The following ZNF704 variants were observed in gnomAD, a reference collection of about 807,000 sequenced individuals.
ZNF704 encodes glucocorticoid induced gene 1.
A neutral mutation model predicts 44.7 loss-of-function variants in ZNF704; 10 were observed. That is an observed-to-expected ratio of 0.22 (90% CI 0.14 to 0.38). ZNF704 has a LOEUF of 0.38. Among genes scored for constraint, ZNF704 ranks in the 10% least tolerant of loss-of-function variants. ZNF704 has a pLI of 1.00. For synonymous variants in ZNF704, 211 were observed against 207.6 expected, an observed-to-expected ratio of 1.02 and a Z score of -0.14; for missense variants, 390 against 545.5, an observed-to-expected ratio of 0.71 and a Z score of 2.84.
intron 1 of ZNF704, among the ~76,000 whole-genome samples, chr8:80,846,488 C>A (rs754837800): frequency 2.0e-5 from 3 of 151,964 alleles, no homozygotes; most frequent in Admixed American, 6.6e-5. Context: ...ACCAGGAGAT[C>A]TTTGAGGTTT....
chr8:80,837,188 TAGTA>T (rs1808597793), intron 1 of ZNF704, among the ~76,000 whole-genome samples: 1 of 152,088 alleles, frequency 6.6e-6, no homozygotes, highest in Non-Finnish European at 1.5e-5. Flanking sequence ...GAGAAGGAAA[TAGTA>T]AACTGGGGGA....
At chr8:80,653,423 T>A (rs541041093) in intron 7 of ZNF704, among the ~76,000 whole-genome samples, 1 of 152,300 alleles carries the variant, frequency 6.6e-6, no homozygotes, top group South Asian at 2.1e-4. Context: ...GAAAACCCCA[T>A]AGTCTCAGCC....
At chr8:80,813,468 A>G (rs1447695306) in intron 2 of ZNF704, among the ~76,000 whole-genome samples, 1 of 152,212 alleles carries the variant, frequency 6.6e-6, no homozygotes, top group Admixed American at 6.5e-5. Context: ...GTCATTTTTA[A>G]CATCAACCAA....
At chr8:80,669,717 T>C (rs977320548) in intron 5 of ZNF704, among the ~76,000 whole-genome samples, 4 of 152,144 alleles carry the variant, frequency 2.6e-5, no homozygotes, top group Non-Finnish European at 4.4e-5. Flanking sequence ...GCATTTGTGT[T>C]TGCCTTATGA....
chr8:80,770,516 C>T (rs1807302535), intron 2 of ZNF704, among the ~76,000 whole-genome samples: 1 of 152,142 alleles, frequency 6.6e-6, no homozygotes, highest in African/African-American at 2.4e-5. Context: ...CCTTGGTGAA[C>T]TGTCTGTTCA....
chr8:80,784,126 T>C (rs940803692), intron 2 of ZNF704, among the ~76,000 whole-genome samples: 1 of 152,208 alleles, frequency 6.6e-6, no homozygotes, highest in East Asian at 1.9e-4. Context: ...TAGCACTGAA[T>C]GGTATTCCAT....
chr8:80,867,722 TC>T (rs1254358385), intron 1 of ZNF704, among the ~76,000 whole-genome samples: 1 of 152,160 alleles, frequency 6.6e-6, no homozygotes, highest in Non-Finnish European at 1.5e-5. Context: ...GCTGCACAGT[TC>T]CTGCCAAAGG....
In ZNF704 at chr8:80,826,226, T is replaced by C. The variant is rs564551865; in HGVS notation, c.-21-4611A>G. 2.4e-3 allele frequency among the ~76,000 whole-genome samples: 358 copies of C among 151,800 alleles called. 2 individuals are homozygous for C. The highest frequency in any genetic ancestry group is 8.0e-3 in the African/African-American group (332 of 41,384). The stretch of plus-strand genomic sequence containing the variant: ...AGAGAGAAGAATCAAATAGACACAA[T>C]AAAAAATCATAAAGGAGATATCACC... On this transcript the variant is annotated intron_variant, in intron 1 of 8. Transcript: ENST00000327835.
rs937227839 is a variant in ZNF704 at position 80,652,498 on chromosome 8, C to T, written c.1032+7087G>A. Among the ~76,000 whole-genome samples the T allele has an allele frequency of 4.2e-3, 632 of 152,158 alleles. 3 individuals are homozygous for T. The highest frequency in any genetic ancestry group is 0.015 in the African/African-American group (614 of 41,520). ...TGATAAAGGGGATATCACCACCGAT[C>T]CCACAGAAATACAAACTACCATCAG... On this transcript the variant is annotated intron_variant, in intron 7 of 8. Coordinates refer to ENST00000327835, the MANE Select transcript of ZNF704 (RefSeq NM_001033723.3).
chr8:80,745,271 T>C (rs941694184), intron 2 of ZNF704, among the ~76,000 whole-genome samples: 7 of 152,182 alleles, frequency 4.6e-5, no homozygotes, highest in African/African-American at 1.7e-4. Context: ...CCATGTCACA[T>C]TGTATTTTTG....
intron 4 of ZNF704, among the ~76,000 whole-genome samples, chr8:80,685,373 T>A (rs1818518752): frequency 6.6e-6 from 1 of 152,090 alleles, no homozygotes; most frequent in South Asian, 2.1e-4. Flanking sequence ...TTCCCTGTAC[T>A]GTGAGTCCTT....
intron 2 of ZNF704, among the ~76,000 whole-genome samples, chr8:80,720,064 A>T (rs1819139973): frequency 6.6e-6 from 1 of 152,182 alleles, no homozygotes; most frequent in Non-Finnish European, 1.5e-5. Context: ...GCCAGGATTT[A>T]AATTCGAGTC....
intron 2 of ZNF704, among the ~76,000 whole-genome samples, chr8:80,699,941 C>T (rs977045487): frequency 6.6e-6 from 1 of 152,148 alleles, no homozygotes; most frequent in African/African-American, 2.4e-5. Flanking sequence ...GGTCACTCCT[C>T]CTTTCCACTG....
chr8:80,758,037 C>T (rs561905739), intron 2 of ZNF704, among the ~76,000 whole-genome samples: 5 of 152,324 alleles, frequency 3.3e-5, no homozygotes, highest in African/African-American at 7.2e-5. Flanking sequence ...TTAACAGATA[C>T]ACTCATTGTC....
intron 1 of ZNF704, among the ~76,000 whole-genome samples, chr8:80,873,319 G>A (rs1463380034): frequency 6.6e-6 from 1 of 152,170 alleles, no homozygotes; most frequent in Non-Finnish European, 1.5e-5. Flanking sequence ...TGAGGAAAGC[G>A]GGAGCCGCCG....
At chr8:80,673,752 G>A (rs1285876658) in intron 4 of ZNF704, among the ~76,000 whole-genome samples, 1 of 152,238 alleles carries the variant, frequency 6.6e-6, no homozygotes, top group African/African-American at 2.4e-5. Context: ...ATTGAAGAGT[G>A]CTCATGTGTT....
chr8:80,731,268 AAACAGCTGGT>A (rs1254102484), intron 2 of ZNF704, among the ~76,000 whole-genome samples: 1 of 152,196 alleles, frequency 6.6e-6, no homozygotes, highest in Admixed American at 6.5e-5. Flanking sequence ...TGCCACTTAA[AAACAGCTGGT>A]AAAAGCAAAA....
intron 7 of ZNF704, among the ~76,000 whole-genome samples, chr8:80,659,035 A>G (rs1432477776): frequency 1.3e-5 from 2 of 152,260 alleles, no homozygotes; most frequent in Admixed American, 6.5e-5. Context: ...TTTATCAGAC[A>G]GGAATCATTT....
At chr8:80,795,572 T>C (rs1401677308) in intron 2 of ZNF704, among the ~76,000 whole-genome samples, 11 of 152,102 alleles carry the variant, frequency 7.2e-5, no homozygotes, top group Admixed American at 5.9e-4. Flanking sequence ...AATGCCTCAA[T>C]AGACTGCATC....
Sources: allele counts gnomAD v4.1 joint callset (sites outside exome capture counted in the v4.1 genomes callset), GRCh38; gene constraint gnomAD v4.1.1; transcripts MANE v1.5; gene names NCBI Gene and HGNC (gene_info 2026-07-23, HGNC 2026-07-21).